Variants in RNF212 observed in about 807,000 individuals in gnomAD.
RNF212 encodes the protein ring finger protein 212, also known as probable E3 SUMO-protein ligase RNF212.
Under a neutral mutation model 34.7 loss-of-function variants are expected in RNF212, and 33 were observed. The ratio of observed to expected loss-of-function variants is 0.95; its 90% CI spans 0.72 to 1.27. The LOEUF (loss-of-function observed/expected upper bound fraction) is 1.27, where lower values mean the gene tolerates loss of function less well. Ranked by LOEUF, RNF212 falls within the 50% of genes most tolerant of loss-of-function variation. The pLI, the probability that RNF212 is intolerant of heterozygous loss-of-function variation, is 0.00. For missense variants in RNF212, 377 were observed against 362.2 expected, an observed-to-expected ratio of 1.04 and a Z score of -0.33; for synonymous variants, 140 against 136.1, an observed-to-expected ratio of 1.03 and a Z score of -0.20.
intron 3 of RNF212, among the ~76,000 whole-genome samples, chr4:1,066,008 G>C (rs533968485): frequency 6.6e-6 from 1 of 151,690 alleles, no homozygotes; most frequent in East Asian, 1.9e-4. Flanking sequence ...CAAGTAGCTA[G>C]GACTACAGGT....
At chr4:1,058,477 G>T (rs963506511) in intron 3 of RNF212, 2 of 528,506 alleles carry the variant, frequency 3.8e-6, no homozygotes, top group African/African-American at 2.1e-5. Context: ...CCAGCCTGCT[G>T]AGCTTCTCCG....
chr4:1,106,333 CCAAT>C (rs1483210958), intron 2 of RNF212, among the ~76,000 whole-genome samples: 3 of 151,322 alleles, frequency 2.0e-5, no homozygotes, highest in Non-Finnish European at 4.4e-5. Context: ...TTTTTAAACA[CCAAT>C]CAAATATGAA....
chr4:1,099,594 A>C (rs1723611929), intron 2 of RNF212: 3 of 396,718 alleles, frequency 7.6e-6, no homozygotes, highest in Non-Finnish European at 1.5e-5. Flanking sequence ...TTAAAAGTCA[A>C]GATTGCTCGC....
intron 2 of RNF212, among the ~76,000 whole-genome samples, chr4:1,104,179 G>GT (rs1324342329): frequency 3.9e-5 from 6 of 152,320 alleles, no homozygotes; most frequent in Admixed American, 2.6e-4. Context: ...CTAAAGAACA[G>GT]TAAGTCCACA....
intron 2 of RNF212, among the ~76,000 whole-genome samples, chr4:1,102,899 T>G (rs6845252): frequency 0.81 from 122,423 of 150,270 alleles, 51,432 homozygotes; most frequent in East Asian, 1. Flanking sequence ...CCCAGCACTT[T>G]GGGAGGCCGA....
At chr4:1,073,492 G>T in intron 9 of RNF212, 107 bp downstream of exon 9, 1 of 898,308 alleles carries the variant, frequency 1.1e-6, no homozygotes, top group Non-Finnish European at 1.8e-6. Context: ...TGGAAGGACA[G>T]CACCCCCTTG....
chr4:1,058,841 G>T (rs1210994563), intron 3 of RNF212, among the ~76,000 whole-genome samples: 4 of 152,138 alleles, frequency 2.6e-5, no homozygotes, highest in African/African-American at 9.7e-5. Flanking sequence ...ACTGTGCCTG[G>T]CATACACAGG....
chr4:1,060,348 C>T (rs1380903071), intron 3 of RNF212, among the ~76,000 whole-genome samples: 1 of 152,180 alleles, frequency 6.6e-6, no homozygotes, highest in Non-Finnish European at 1.5e-5. Context: ...TCAGGTTCTG[C>T]TGAGAATCAA....
chr4:1,058,598 G>A (rs1051331206), intron 3 of RNF212, among the ~76,000 whole-genome samples: 6 of 152,216 alleles, frequency 3.9e-5, no homozygotes, highest in African/African-American at 1.4e-4. Flanking sequence ...ACTCTGAGAA[G>A]CCCTGGGTCT....
At position 1,096,746 on chromosome 4, in the gene RNF212, C is replaced by G. The variant is rs770820221; in HGVS notation, c.246+19G>C. ...CACCTGGCTCATCACGGAACCAAGC[C>G]ACACCCCTCACAGCTCACCTGGGAG... On this transcript the variant is annotated intron_variant, in intron 3 of 9. Coordinates refer to ENST00000433731, the MANE Select transcript of RNF212 (RefSeq NM_001131034.4). The G allele has an allele frequency of 8.1e-6, 13 of 1,599,400 alleles. No homozygotes were observed. In the Admixed American group the frequency reaches 1.7e-4, roughly 21 times the overall value.
At chr4:1,075,258 C>G (rs1392753178) in intron 8 of RNF212, among the ~76,000 whole-genome samples, 1 of 152,184 alleles carries the variant, frequency 6.6e-6, no homozygotes, top group Admixed American at 6.5e-5. Context: ...CCAGTTTTCA[C>G]ATTTAACTGG....
chr4:1,057,854 C>T (rs1309158673), intron 4 of RNF212, among the ~76,000 whole-genome samples: 5 of 152,184 alleles, frequency 3.3e-5, no homozygotes, highest in African/African-American at 7.2e-5. Context: ...CACCTGAGGT[C>T]GGGAGTTCGA....
chr4:1,075,786 C>T (rs1719199295), intron 8 of RNF212, among the ~76,000 whole-genome samples: 1 of 152,194 alleles, frequency 6.6e-6, no homozygotes, highest in African/African-American at 2.4e-5. Flanking sequence ...ATCCTCCCAC[C>T]TCAGCTTCTC....
chr4:1,100,721 T>A (rs1029636055), intron 2 of RNF212: 3 of 152,356 alleles, frequency 2.0e-5, no homozygotes, highest in Non-Finnish European at 4.4e-5. Flanking sequence ...GTTTTCCATA[T>A]TGAAGTTCCA....
downstream of RNF212, chr4:1,071,347 A>G (rs867194873): frequency 2.6e-5 from 4 of 152,184 alleles, no homozygotes; most frequent in Admixed American, 6.5e-5. Flanking sequence ...TATTAAAAAA[A>G]CTCATCTTAC....
intron 8 of RNF212, among the ~76,000 whole-genome samples, chr4:1,077,440 C>T (rs1244751199): frequency 6.6e-6 from 1 of 151,916 alleles, no homozygotes; most frequent in Non-Finnish European, 1.5e-5. Flanking sequence ...ACTATGTTGC[C>T]CAGGCTGGTC....
chr4:1,113,402 G>A lies in RNF212; in HGVS notation c.63C>T (p.Ser21=). 4 of 1,605,610 alleles carry A rather than the reference G, an allele frequency of 2.5e-6. No individual in the cohort carries two copies. Among genetic ancestry groups the A allele is most frequent in the Non-Finnish European group, 3.4e-6 (4 of 1,177,218 alleles). Residue 21 remains serine, a synonymous_variant, in exon 1 of 10, where the codon AGC becomes AGT. Transcript: ENST00000433731. ...AGTACACGTGCCCGCAGTTGGTGAG[G>A]CTGAAGCACGACGTCCTGTGGGGCG... The part of the protein sequence containing the change: ...FQPPHRTSCF[S]LTNCGHVYCD...
intron 3 of RNF212, among the ~76,000 whole-genome samples, chr4:1,092,280 C>A (rs541611387): frequency 6.6e-6 from 1 of 152,302 alleles, no homozygotes; most frequent in African/African-American, 2.4e-5. Flanking sequence ...CCTGATTTGG[C>A]AGGGCAGGTG....
chr4:1,058,768 C>A (rs6852246), intron 3 of RNF212, among the ~76,000 whole-genome samples: 26,280 of 152,214 alleles, frequency 0.17, 3,503 homozygotes, highest in African/African-American at 0.38. Flanking sequence ...CACTGAGGGG[C>A]CCTCGGCCCG....
Sources: gnomAD v4.1 joint callset for allele counts (sites outside exome capture counted in the v4.1 genomes callset) on GRCh38, gnomAD v4.1.1 for gene constraint, MANE v1.5 for transcripts, NCBI Gene and HGNC (gene_info 2026-07-23, HGNC 2026-07-21) for gene names.